ELAPOR2: variants seen among roughly 807,000 people sequenced by gnomAD.
The protein encoded by ELAPOR2 is endosome/lysosome-associated apoptosis and autophagy regulator family member 2.
A neutral mutation model predicts 120.7 loss-of-function variants in ELAPOR2; 89 were observed. The ratio of observed to expected loss-of-function variants is 0.74; its 90% confidence interval spans 0.62 to 0.88. ELAPOR2 has a LOEUF of 0.88. ELAPOR2 is among the 40% of genes least tolerant of loss of function. The pLI is 0.00. For missense variants in ELAPOR2, 1,134 were observed against 1,251.6 expected (o/e 0.91, Z 1.42); for synonymous variants, 444 against 444.9 (o/e 1.00, Z 0.03).
At chr7:86,937,478 G>A (rs987604311) in intron 8 of ELAPOR2, among the ~76,000 whole-genome samples, 1 of 152,110 alleles carries the variant, frequency 6.6e-6, no homozygotes, top group Admixed American at 6.6e-5. Flanking sequence ...ACAGGCTGCT[G>A]TAGGCTAATT....
intron 1 of ELAPOR2, among the ~76,000 whole-genome samples, chr7:87,040,128 G>A (rs1450708570): frequency 2.0e-5 from 3 of 152,224 alleles, no homozygotes; most frequent in East Asian, 1.9e-4. Flanking sequence ...CTACGCCCAC[G>A]GAGTCTCGCT....
intron 1 of ELAPOR2, among the ~76,000 whole-genome samples, chr7:86,971,543 C>A (rs1792108134): frequency 6.6e-6 from 1 of 152,140 alleles, no homozygotes; most frequent in African/African-American, 2.4e-5. Flanking sequence ...AGACTTCAAG[C>A]ACATGCATCG....
intron 1 of ELAPOR2, chr7:86,965,978 T>A: frequency 1.0e-6 from 1 of 985,070 alleles, no homozygotes; most frequent in Non-Finnish European, 1.2e-6. Flanking sequence ...CATAGCACAC[T>A]TTGCTAACAA....
intron 2 of ELAPOR2, among the ~76,000 whole-genome samples, chr7:86,955,383 T>A (rs1385085463): frequency 6.6e-6 from 1 of 152,042 alleles, no homozygotes; most frequent in Non-Finnish European, 1.5e-5. Context: ...TCTCTCTAAT[T>A]GGGAATTTTT....
At chr7:87,035,845 T>C (rs940634977) in intron 1 of ELAPOR2, among the ~76,000 whole-genome samples, 3 of 152,248 alleles carry the variant, frequency 2.0e-5, no homozygotes, top group Non-Finnish European at 4.4e-5. Flanking sequence ...ATCAATTATG[T>C]TGGATTGCCC....
intron 18 of ELAPOR2, among the ~76,000 whole-genome samples, chr7:86,904,028 G>A (rs1330394304): frequency 6.6e-6 from 1 of 151,888 alleles, no homozygotes; most frequent in East Asian, 1.9e-4. Context: ...CAAGATGAGA[G>A]CATTATGGCA....
intron 1 of ELAPOR2, among the ~76,000 whole-genome samples, chr7:87,032,769 A>C (rs58809695): frequency 0.011 from 1,624 of 152,282 alleles, 32 homozygotes; most frequent in African/African-American, 0.037. Flanking sequence ...AGCATAGCAT[A>C]AAAAGGAAGT....
chr7:86,902,163 T>C (rs1584325344), intron 18 of ELAPOR2, among the ~76,000 whole-genome samples: 1 of 150,306 alleles, frequency 6.7e-6, no homozygotes, highest in Non-Finnish European at 1.5e-5. Flanking sequence ...TCTGGAGTCT[T>C]TTTTTGTTGT....
chr7:86,908,008 A>C (rs1255819149), intron 17 of ELAPOR2, among the ~76,000 whole-genome samples: 1 of 151,966 alleles, frequency 6.6e-6, no homozygotes, highest in Non-Finnish European at 1.5e-5. Context: ...GTAAAGATAT[A>C]ATTTTAATAA....
chr7:87,041,185 C>T (rs546819031), intron 1 of ELAPOR2, among the ~76,000 whole-genome samples: 4 of 152,166 alleles, frequency 2.6e-5, no homozygotes, highest in African/African-American at 9.7e-5. Flanking sequence ...TTGGAAAACA[C>T]GTTGCAGGAT....
chr7:86,982,134 A>G (rs1158317641), intron 1 of ELAPOR2, among the ~76,000 whole-genome samples: 2 of 152,270 alleles, frequency 1.3e-5, no homozygotes, highest in Non-Finnish European at 2.9e-5. Context: ...CTGAGGCATG[A>G]GTAGGTAAAC....
intron 1 of ELAPOR2, among the ~76,000 whole-genome samples, chr7:87,039,480 T>C (rs1489598273): frequency 6.6e-6 from 1 of 152,148 alleles, no homozygotes; most frequent in Non-Finnish European, 1.5e-5. Flanking sequence ...CCAATATCTC[T>C]GACGAATACT....
At chr7:87,038,814 A>AT (rs1794670079) in intron 1 of ELAPOR2, among the ~76,000 whole-genome samples, 1 of 152,076 alleles carries the variant, frequency 6.6e-6, no homozygotes, top group Non-Finnish European at 1.5e-5. Flanking sequence ...GTTTATAGCT[A>AT]TAAGTGTCTA....
At chr7:86,944,320 G>A (rs1424414601) in intron 4 of ELAPOR2, among the ~76,000 whole-genome samples, 6 of 151,868 alleles carry the variant, frequency 4.0e-5, no homozygotes, top group African/African-American at 1.2e-4. Context: ...CTTATCTTCC[G>A]TAATGTTATT....
At chr7:86,995,052 C>T (rs552883839) in intron 1 of ELAPOR2, among the ~76,000 whole-genome samples, 1 of 152,324 alleles carries the variant, frequency 6.6e-6, no homozygotes, top group South Asian at 2.1e-4. Context: ...CTCAGATTCT[C>T]TTTTTCTTAC....
At chr7:86,919,191 C>T in intron 11 of ELAPOR2, 29 bp downstream of exon 11, 1 of 1,497,464 alleles carries the variant, frequency 6.7e-7, no homozygotes, top group Non-Finnish European at 9.3e-7. Context: ...AGGATTCTTA[C>T]AGAAAAGAAT....
chr7:87,040,000 AG>A (rs1286835433), intron 1 of ELAPOR2, among the ~76,000 whole-genome samples: 2 of 152,186 alleles, frequency 1.3e-5, no homozygotes, highest in African/African-American at 4.8e-5. Context: ...AGTCAAAGAA[AG>A]GGGTGACGGA....
chr7:86,944,558 A>G (rs1025418130), intron 4 of ELAPOR2, among the ~76,000 whole-genome samples: 3 of 152,120 alleles, frequency 2.0e-5, no homozygotes, highest in Non-Finnish European at 4.4e-5. Flanking sequence ...ACAGAATACT[A>G]TCTGTAGCTA....
chr7:86,882,624 G>A (rs1799465614), intron 21 of ELAPOR2, among the ~76,000 whole-genome samples: 2 of 152,064 alleles, frequency 1.3e-5, no homozygotes, highest in East Asian at 1.9e-4. Flanking sequence ...CCTAATGGCA[G>A]GAACTCTATA....
Sources: allele counts gnomAD v4.1 joint callset (sites outside exome capture counted in the v4.1 genomes callset), GRCh38; gene constraint gnomAD v4.1.1; transcripts MANE v1.5; gene names NCBI Gene and HGNC (gene_info 2026-07-23, HGNC 2026-07-21).